Variants in SMG6 observed in about 807,000 individuals in gnomAD.
SMG6 encodes telomerase-binding protein EST1A.
In SMG6, 66 loss-of-function variants were observed where a neutral mutation model predicts 142.2. That is an observed-to-expected ratio of 0.46 (90% CI 0.38 to 0.57). The LOEUF (loss-of-function observed/expected upper bound fraction) is 0.57. Among genes scored for constraint, SMG6 ranks in the 20% least tolerant of loss-of-function variants. The pLI is 0.00. For missense variants in SMG6, 1,793 were observed against 1,832.0 expected, an observed-to-expected ratio of 0.98 and a Z score of 0.39; for synonymous variants, 779 against 702.4, an observed-to-expected ratio of 1.11 and a Z score of -1.72.
chr17:2,272,826 T>C (rs1361203036), intron 8 of SMG6, among the ~76,000 whole-genome samples: 1 of 151,558 alleles, frequency 6.6e-6, no homozygotes, highest in Non-Finnish European at 1.5e-5. Context: ...TAGTCCCAGC[T>C]ACTCGGGAGG....
At chr17:2,209,158 TG>T (rs2072774865) in intron 10 of SMG6, among the ~76,000 whole-genome samples, 1 of 152,118 alleles carries the variant, frequency 6.6e-6, no homozygotes. Context: ...AGGGAAACCT[TG>T]TCTCAAAAAA....
intron 9 of SMG6, 26 bp from the exon 10 acceptor site, chr17:2,236,663 G>A (rs1377517472): frequency 1.6e-5 from 25 of 1,597,340 alleles, no homozygotes; most frequent in Non-Finnish European, 2.1e-5. Context: ...ACCCATCAAT[G>A]AGGCACCTCT....
At chr17:2,067,007 G>A (rs1055371401) in intron 16 of SMG6, among the ~76,000 whole-genome samples, 3 of 152,164 alleles carry the variant, frequency 2.0e-5, no homozygotes, top group South Asian at 2.1e-4. Context: ...GGCACAGGAC[G>A]TGAGTCTACC....
At chr17:2,133,758 G>A (rs1174756799) in intron 13 of SMG6, among the ~76,000 whole-genome samples, 1 of 152,170 alleles carries the variant, frequency 6.6e-6, no homozygotes, top group African/African-American at 2.4e-5. Flanking sequence ...TTTTTCTGCA[G>A]GTAGGATAGC....
chr17:2,144,043 C>T (rs899023653), intron 13 of SMG6, among the ~76,000 whole-genome samples: 4 of 141,510 alleles, frequency 2.8e-5, no homozygotes, highest in Non-Finnish European at 6.0e-5. Context: ...CATGCCACCA[C>T]GGCCGCTTTT....
chr17:2,082,065 C>T (rs1400221880), intron 14 of SMG6, 109 bp from the exon 15 acceptor site: 1 of 1,190,466 alleles, frequency 8.4e-7, no homozygotes, highest in Non-Finnish European at 1.2e-6. Context: ...CAGACTGGGA[C>T]CATCCCTTGC....
Position 2,191,139 on chromosome 17 carries a change from GA to G in SMG6, c.2870-2625del, listed in dbSNP as rs766447130. On this transcript the variant is annotated intron_variant, in intron 10 of 18. Coordinates refer to ENST00000263073, the MANE Select transcript of SMG6 (RefSeq NM_017575.5). ...CCGTAGGACCTTTCAATAGGGTAAA[GA>G]AAATTGTTATTTATCCAAGTATCCA... Among the ~76,000 whole-genome samples the G allele has an allele frequency of 7.9e-5, 12 of 152,320 alleles. No homozygotes were observed. The East Asian group carries it at 2.1e-3, about 27-fold the overall frequency.
At chr17:2,215,753 C>A (rs141609119) in intron 10 of SMG6, 6 of 151,882 alleles carry the variant, frequency 4.0e-5, no homozygotes, top group Non-Finnish European at 7.4e-5. Flanking sequence ...AAAAAAAGAT[C>A]CCACATCCTG....
intron 18 of SMG6, 80 bp downstream of exon 18, chr17:2,064,993 C>G: frequency 8.9e-7 from 1 of 1,118,918 alleles, no homozygotes; most frequent in Non-Finnish European, 1.3e-6. Flanking sequence ...GTCAGTGGAG[C>G]CCTTCTCAGG....
At chr17:2,183,900 C>G (rs977156038) in intron 12 of SMG6, among the ~76,000 whole-genome samples, 1 of 152,110 alleles carries the variant, frequency 6.6e-6, no homozygotes, top group South Asian at 2.1e-4. Flanking sequence ...CAGGCAGATA[C>G]AGGAAGACCC....
intron 10 of SMG6, among the ~76,000 whole-genome samples, chr17:2,196,085 C>T (rs762014822): frequency 1.3e-4 from 20 of 152,104 alleles, no homozygotes; most frequent in Non-Finnish European, 2.6e-4. Flanking sequence ...TCTAACAGAA[C>T]GTACGGAAAC....
At chr17:2,130,928 A>T (rs1436175666) in intron 13 of SMG6, among the ~76,000 whole-genome samples, 1 of 151,970 alleles carries the variant, frequency 6.6e-6, no homozygotes, top group Non-Finnish European at 1.5e-5. Context: ...GCTTGAACCC[A>T]GGAGGAAGAG....
intron 9 of SMG6, chr17:2,240,166 G>T (rs10852932): frequency 0.42 from 64,256 of 152,016 alleles, 14,749 homozygotes; most frequent in African/African-American, 0.61. Context: ...GGCTGTGTGT[G>T]TCACTGACTA....
At chr17:2,263,920 G>A (rs533496158) in intron 8 of SMG6, among the ~76,000 whole-genome samples, 2 of 152,280 alleles carry the variant, frequency 1.3e-5, no homozygotes, top group South Asian at 4.1e-4. Context: ...GGATTTTACA[G>A]AATGATCAAA....
chr17:2,152,004 G>C (rs1481046429), intron 13 of SMG6, among the ~76,000 whole-genome samples: 1 of 152,150 alleles, frequency 6.6e-6, no homozygotes, highest in Non-Finnish European at 1.5e-5. Context: ...AATTGGGAAT[G>C]ATTACTTATC....
chr17:2,254,999 A>G (rs934909704), intron 8 of SMG6, among the ~76,000 whole-genome samples: 2 of 151,994 alleles, frequency 1.3e-5, no homozygotes, highest in African/African-American at 4.8e-5. Flanking sequence ...AGGGAACAAC[A>G]TATATGATGT....
At chr17:2,121,134 T>C (rs1339748013) in intron 13 of SMG6, among the ~76,000 whole-genome samples, 3 of 152,204 alleles carry the variant, frequency 2.0e-5, no homozygotes, top group Non-Finnish European at 4.4e-5. Context: ...ATCTAATCTC[T>C]GACTCAGCAA....
intron 11 of SMG6, among the ~76,000 whole-genome samples, chr17:2,187,213 T>G (rs11867782): frequency 0.35 from 53,590 of 152,082 alleles, 10,179 homozygotes; most frequent in African/African-American, 0.5. Context: ...TGTGGGACAC[T>G]GTGCAAATGC....
chr17:2,205,640 CTCAT>C (rs1166814027), intron 10 of SMG6, among the ~76,000 whole-genome samples: 3 of 152,130 alleles, frequency 2.0e-5, no homozygotes, highest in African/African-American at 7.2e-5. Context: ...CTGTATAGTT[CTCAT>C]TATTAGAAAG....
Sources: allele counts gnomAD v4.1 joint callset (sites outside exome capture counted in the v4.1 genomes callset), GRCh38; gene constraint gnomAD v4.1.1; transcripts MANE v1.5; gene names NCBI Gene and HGNC (gene_info 2026-07-23, HGNC 2026-07-21).